Variants in NID1 observed in about 807,000 individuals in gnomAD.
NID1 encodes the protein nidogen 1, also known as nidogen-1.
Under a neutral mutation model 130.6 loss-of-function variants are expected in NID1, and 76 were observed. That is an observed-to-expected ratio of 0.58 (90% CI 0.48 to 0.70). The LOEUF (loss-of-function observed/expected upper bound fraction) is 0.70. Ranked by LOEUF, NID1 falls within the 30% of genes least tolerant of loss-of-function variation. The pLI is 0.00. For synonymous variants in NID1, 665 were observed against 675.1 expected (o/e 0.98, Z 0.23); for missense variants, 1,517 against 1,664.8 (o/e 0.91, Z 1.54).
intron 12 of NID1, 27 bp from the exon 13 acceptor site, chr1:235,993,899 G>A (rs1403146580): frequency 6.3e-7 from 1 of 1,591,082 alleles, no homozygotes; most frequent in Non-Finnish European, 8.6e-7. Context: ...CAACAAGAAA[G>A]CTGTCAGGTG....
chr1:236,047,396 G>A (rs1194081193), intron 2 of NID1, among the ~76,000 whole-genome samples: 3 of 152,008 alleles, frequency 2.0e-5, no homozygotes, highest in Non-Finnish European at 2.9e-5. Flanking sequence ...TGAAGTTATG[G>A]TAGAGAGAAA....
At chr1:236,054,957 T>A (rs571326702) in intron 1 of NID1, among the ~76,000 whole-genome samples, 1 of 152,122 alleles carries the variant, frequency 6.6e-6, no homozygotes, top group South Asian at 2.1e-4. Context: ...AGTCTTTTCT[T>A]CTGAGGCACA....
At chr1:236,046,422 G>C (rs1037630851) in intron 2 of NID1, among the ~76,000 whole-genome samples, 35 of 152,194 alleles carry the variant, frequency 2.3e-4, no homozygotes, top group African/African-American at 8.2e-4. Context: ...TGCAGGAGCC[G>C]TAAGAGGAAG....
intron 9 of NID1, among the ~76,000 whole-genome samples, chr1:236,023,530 A>G (rs1658828427): frequency 6.6e-6 from 1 of 152,238 alleles, no homozygotes; most frequent in South Asian, 2.1e-4. Context: ...GGAGATGAAC[A>G]GTGGTGATGG....
intron 10 of NID1, among the ~76,000 whole-genome samples, chr1:236,015,074 C>T (rs1423324994): frequency 1.3e-5 from 2 of 152,180 alleles, no homozygotes; most frequent in African/African-American, 2.4e-5. Flanking sequence ...CCTGCCTGAG[C>T]CCCCAGCCCC....
intron 1 of NID1, among the ~76,000 whole-genome samples, chr1:236,064,155 GCGAC>G (rs1660123779): frequency 6.6e-6 from 1 of 152,210 alleles, no homozygotes; most frequent in South Asian, 2.1e-4. Flanking sequence ...CAAGTTGACA[GCGAC>G]CCCAGGCCCG....
At chr1:236,010,300 C>CT (rs551127579) in intron 12 of NID1, among the ~76,000 whole-genome samples, 30,946 of 107,172 alleles carry the variant, frequency 0.29, 5,897 homozygotes, top group East Asian at 0.44. Flanking sequence ...GCTATTTATA[C>CT]TTTTTTTTTT....
chr1:236,054,118 A>G (rs1210500918), intron 1 of NID1, among the ~76,000 whole-genome samples: 1 of 152,006 alleles, frequency 6.6e-6, no homozygotes, highest in Non-Finnish European at 1.5e-5. Context: ...AATTTTAAAG[A>G]AAAAAAAGAG....
chr1:236,025,171 C>T (rs2102826086), intron 8 of NID1, among the ~76,000 whole-genome samples: 1 of 151,968 alleles, frequency 6.6e-6, no homozygotes, highest in South Asian at 2.1e-4. Context: ...AGGCTGATCT[C>T]AAAGTCCTGG....
At chr1:236,008,365 G>T (rs1042675568) in intron 12 of NID1, among the ~76,000 whole-genome samples, 1 of 152,128 alleles carries the variant, frequency 6.6e-6, no homozygotes, top group African/African-American at 2.4e-5. Flanking sequence ...TTTTCTTTTG[G>T]AAACTAGCCC....
chr1:236,035,751 G>T (rs900427773), intron 5 of NID1, among the ~76,000 whole-genome samples: 6 of 152,204 alleles, frequency 3.9e-5, no homozygotes, highest in African/African-American at 1.2e-4. Flanking sequence ...GGCTCAACAG[G>T]TTCTCTGATC....
chr1:236,022,464 C>G (rs1658794370), intron 9 of NID1, among the ~76,000 whole-genome samples: 1 of 150,848 alleles, frequency 6.6e-6, no homozygotes, highest in South Asian at 2.1e-4. Flanking sequence ...TCTCCTACTC[C>G]CAAGTAGCTG....
intron 5 of NID1, among the ~76,000 whole-genome samples, chr1:236,033,271 G>A (rs1056956308): frequency 1.3e-5 from 2 of 152,140 alleles, no homozygotes; most frequent in Non-Finnish European, 2.9e-5. Flanking sequence ...TCATGCCACC[G>A]CACTCCAGCC....
At chr1:235,980,387 G>A in intron 17 of NID1, 109 bp downstream of exon 17, 2 of 1,105,456 alleles carry the variant, frequency 1.8e-6, no homozygotes, top group South Asian at 3.1e-5. Context: ...TAGCTTCTGG[G>A]TTATATAAAA....
chr1:235,991,711 G>GAGCAGCACC (rs1287081162), intron 13 of NID1, among the ~76,000 whole-genome samples: 3 of 152,144 alleles, frequency 2.0e-5, no homozygotes, highest in East Asian at 3.8e-4. Context: ...AACCAAATAA[G>GAGCAGCACC]AGCAGCACCA....
intron 4 of NID1, among the ~76,000 whole-genome samples, chr1:236,040,406 T>C (rs1338402893): frequency 6.6e-6 from 1 of 152,340 alleles, no homozygotes; most frequent in East Asian, 1.9e-4. Flanking sequence ...CAGTTTGGGA[T>C]ACTCGTGAGA....
chr1:235,993,662 G>A lies in NID1; in HGVS notation c.2738C>T (p.Pro913Leu), dbSNP rs1464003568. 1 of 1,562,386 alleles carries A rather than the reference G, an allele frequency of 6.4e-7. No homozygotes were observed. Among genetic ancestry groups the A allele is most frequent in the Non-Finnish European group, 8.7e-7 (1 of 1,148,434 alleles). ...CCACTTACACGGGGGCGTCATCCCG[G>A]GCCTGGTCCTGGTGCCCTCCACCTC... ...GREVEGTRTRPGMTPPCLSTV... is the reference protein window; with the variant it reads ...GREVEGTRTRLGMTPPCLSTV... The change falls in exon 13 of 20, where the codon CCC becomes CTC. Residue 913 changes from proline to leucine, a missense_variant. Coordinates refer to ENST00000264187, the MANE Select transcript of NID1 (RefSeq NM_002508.3).
rs776069334 is a variant in NID1, at chr1:236,048,874, G to T, written c.341C>A (p.Thr114Asn). The T allele has an allele frequency of 6.2e-7, 1 of 1,614,126 alleles. No individual in the cohort carries two copies. The highest frequency in any genetic ancestry group is 8.5e-7 in the Non-Finnish European group (1 of 1,180,018). ...VAPFLADLDT[T>N]DGLGKVYYRE... ...ATAATAAACCTTCCCCAGGCCATCGGTCGTGTCCAAGTCCGCCAGGAAAGG... is the reference window on the plus strand; with the variant it reads ...ATAATAAACCTTCCCCAGGCCATCGTTCGTGTCCAAGTCCGCCAGGAAAGG... Residue 114 changes from threonine (T) to asparagine (N), a missense_variant, in exon 2 of 20, where the codon ACC becomes AAC. Physicochemically the swap from Thr to Asn is moderately conservative, Grantham distance 65. Around this residue, in one of 3 missense-constraint regions of NID1, gnomAD observed 1,329 missense variants for 1,429.2 expected, o/e 0.93. Transcript: ENST00000264187.
intron 14 of NID1, among the ~76,000 whole-genome samples, chr1:235,987,433 G>A (rs1227407867): frequency 6.6e-6 from 1 of 152,168 alleles, no homozygotes; most frequent in Non-Finnish European, 1.5e-5. Context: ...CAGGTGAAAG[G>A]TACACAGGAC....
Sources: gnomAD v4.1 joint callset for allele counts (sites outside exome capture counted in the v4.1 genomes callset) on GRCh38, gnomAD v4.1.1 for gene constraint, gnomAD v4.1.1 regional missense constraint, MANE v1.5 for transcripts, NCBI Gene and HGNC (gene_info 2026-07-23, HGNC 2026-07-21) for gene names.